The following PPP2R3A variants were observed in gnomAD, a reference collection of about 807,000 sequenced individuals.
PPP2R3A encodes the protein protein phosphatase 2 regulatory subunit B''alpha, also known as serine/threonine-protein phosphatase 2A regulatory subunit B'' subunit alpha.
A neutral mutation model predicts 106.9 loss-of-function variants in PPP2R3A; 80 were observed. The observed-to-expected ratio is 0.75, with a 90% CI of 0.62 to 0.90. PPP2R3A has a LOEUF of 0.90. Ranked by LOEUF, PPP2R3A falls within the 40% of genes least tolerant of loss-of-function variation. PPP2R3A has a pLI of 0.00. For missense variants in PPP2R3A, 1,386 were observed against 1,350.4 expected (o/e 1.03, Z -0.41); for synonymous variants, 483 against 468.3 (o/e 1.03, Z -0.41).
rs199818471 is a variant in PPP2R3A at position 136,053,370 on chromosome 3, GA to G, written c.2469+4018del. ...TGGATTTATATGGATCAAAAAAAAAGAAAAAAAAATAAGTGACCAGAAGTAG... is the reference window on the plus strand; with the variant it reads ...TGGATTTATATGGATCAAAAAAAAAGAAAAAAAATAAGTGACCAGAAGTAG... On this transcript the variant is annotated intron_variant, in intron 5 of 13. Coordinates refer to ENST00000264977, the MANE Select transcript of PPP2R3A (RefSeq NM_002718.5). Among the ~76,000 whole-genome samples, 6 of 150,678 alleles carry G rather than the reference GA, an allele frequency of 4.0e-5. No individual in the cohort carries two copies. In the East Asian group the frequency reaches 7.8e-4, roughly 19 times the overall value.
chr3:136,057,031 C>T (rs1482262182), intron 5 of PPP2R3A, among the ~76,000 whole-genome samples: 2 of 151,716 alleles, frequency 1.3e-5, no homozygotes, highest in African/African-American at 2.4e-5. Flanking sequence ...ATTAAAAAGA[C>T]AGGCAATAAC....
At chr3:136,019,072 A>G (rs1361538021) in intron 2 of PPP2R3A, among the ~76,000 whole-genome samples, 1 of 152,190 alleles carries the variant, frequency 6.6e-6, no homozygotes, top group Non-Finnish European at 1.5e-5. Context: ...ACTCAGATTG[A>G]GCACATGGTC....
Position 136,023,215 on chromosome 3 carries a change from GTGTTTTGTTT to G in PPP2R3A, c.1996-3594_1996-3585del, listed in dbSNP as rs3830602. ...CAGCAGACACAGGTTTGAAATTTGGGTGTTTTGTTTTGTTTTGTTTTGTTTTGTTTTGAAA... is the reference window on the plus strand; with the variant it reads ...CAGCAGACACAGGTTTGAAATTTGGGTGTTTTGTTTTGTTTTGTTTTGAAA... On this transcript the variant is annotated intron_variant, in intron 2 of 13. Transcript: ENST00000264977. The G allele has an allele frequency of 1.6e-4, 235 of 1,505,932 alleles. 2 individuals carry two copies. The highest frequency in any genetic ancestry group is 5.0e-4 in the Admixed American group (26 of 51,852). 93.3% of individuals were successfully genotyped at this position (1,505,932 alleles called of 1,614,324 possible). A position where few individuals can be genotyped will look rare whatever the true frequency, so the allele number is the denominator to read the frequency against.
chr3:136,079,848 C>T (rs1936724759), intron 7 of PPP2R3A, among the ~76,000 whole-genome samples: 1 of 151,380 alleles, frequency 6.6e-6, no homozygotes, highest in South Asian at 2.1e-4. Context: ...AAAAAGAACT[C>T]AAGTGTTCTG....
intron 8 of PPP2R3A, among the ~76,000 whole-genome samples, chr3:136,086,221 C>T (rs766249029): frequency 1.3e-4 from 20 of 150,916 alleles, no homozygotes; most frequent in Non-Finnish European, 1.8e-4. Context: ...CGGTGGCTCA[C>T]GCCTGTAATC....
intron 13 of PPP2R3A, among the ~76,000 whole-genome samples, chr3:136,126,849 C>T (rs931635557): frequency 5.3e-4 from 80 of 152,254 alleles, no homozygotes; most frequent in Non-Finnish European, 3.5e-4. Flanking sequence ...CTGCAGCCTC[C>T]GCTGGTGATA....
At chr3:135,999,855 C>T (rs1933552498) in intron 1 of PPP2R3A, among the ~76,000 whole-genome samples, 1 of 152,022 alleles carries the variant, frequency 6.6e-6, no homozygotes, top group Admixed American at 6.6e-5. Flanking sequence ...CTCACTGCAA[C>T]CTCTGCCTCC....
chr3:136,069,199 G>T, intron 5 of PPP2R3A, among the ~76,000 whole-genome samples: 1 of 152,170 alleles, frequency 6.6e-6, no homozygotes, highest in East Asian at 1.9e-4. Context: ...ACTATTGTTT[G>T]TGACTTGTTA....
At chr3:136,145,012 C>T (rs1179643961) in intron 13 of PPP2R3A, 31 bp from the exon 14 acceptor site, 1 of 1,596,626 alleles carries the variant, frequency 6.3e-7, no homozygotes, top group African/African-American at 1.3e-5. Flanking sequence ...ATCAATCAAT[C>T]AGTTAATTCA....
intron 2 of PPP2R3A, among the ~76,000 whole-genome samples, chr3:136,005,933 A>G (rs1184750733): frequency 1.3e-5 from 2 of 152,102 alleles, no homozygotes; most frequent in African/African-American, 4.8e-5. Flanking sequence ...ATTTTACTCA[A>G]CCCTCTTCCC....
At chr3:136,108,435 CA>C (rs1241016509) in intron 13 of PPP2R3A, among the ~76,000 whole-genome samples, 3 of 151,432 alleles carry the variant, frequency 2.0e-5, no homozygotes, top group Non-Finnish European at 4.4e-5. Context: ...AGAAAAGAAA[CA>C]AAAAAAGTAT....
At chr3:136,046,490 A>G (rs1179357470) in intron 4 of PPP2R3A, among the ~76,000 whole-genome samples, 3 of 152,128 alleles carry the variant, frequency 2.0e-5, no homozygotes, top group African/African-American at 7.2e-5. Context: ...GAGATTCCAT[A>G]CAGAGCCTTG....
intron 13 of PPP2R3A, among the ~76,000 whole-genome samples, chr3:136,136,497 G>A (rs1436567760): frequency 6.6e-6 from 1 of 152,018 alleles, no homozygotes; most frequent in African/African-American, 2.4e-5. Context: ...AGAATTAAGA[G>A]ATAATGTATA....
chr3:136,015,174 C>T (rs1309283729), intron 2 of PPP2R3A, among the ~76,000 whole-genome samples: 2 of 152,110 alleles, frequency 1.3e-5, no homozygotes, highest in African/African-American at 2.4e-5. Flanking sequence ...TGGTATGAAA[C>T]CCACTTGATC....
rs554629538 is a variant in PPP2R3A, at chr3:136,147,457, A to G, written c.*2291A>G. Reference sequence around the variant, plus strand: ...TACCCACATTATCACATTTTCAGGAATTATAAGAATGTGTTTTATTGTACT... The same window carrying G: ...TACCCACATTATCACATTTTCAGGAGTTATAAGAATGTGTTTTATTGTACT... On this transcript the variant is annotated 3_prime_UTR_variant, in exon 14 of 14. Coordinates refer to ENST00000264977, the MANE Select transcript of PPP2R3A (RefSeq NM_002718.5). The G allele has an allele frequency of 6.5e-6, 1 of 152,758 alleles. No individual in the cohort carries two copies. Among genetic ancestry groups the G allele is most frequent in the South Asian group, 2.1e-4 (1 of 4,824 alleles). 9.5% of individuals were successfully genotyped at this position (152,758 alleles called of 1,614,324 possible). A position where few individuals can be genotyped will look rare whatever the true frequency, so the allele number is the denominator to read the frequency against.
At chr3:135,966,821 T>G (rs1937101741) in intron 1 of PPP2R3A, among the ~76,000 whole-genome samples, 3 of 152,226 alleles carry the variant, frequency 2.0e-5, no homozygotes, top group African/African-American at 7.2e-5. Flanking sequence ...TCTTCATTTA[T>G]GTACAAAACA....
intron 2 of PPP2R3A, among the ~76,000 whole-genome samples, chr3:136,010,784 T>G (rs1175488330): frequency 6.6e-6 from 1 of 151,874 alleles, no homozygotes; most frequent in African/African-American, 2.4e-5. Flanking sequence ...TACCATCCCC[T>G]CCCATCAACT....
chr3:136,073,763 A>G (rs1191106630), intron 6 of PPP2R3A, among the ~76,000 whole-genome samples: 2 of 152,270 alleles, frequency 1.3e-5, no homozygotes, highest in Admixed American at 1.3e-4. Context: ...TCTTCTCCTC[A>G]GTGCCTTTTC....
At chr3:136,035,678 T>A (rs990610200) in intron 3 of PPP2R3A, among the ~76,000 whole-genome samples, 9 of 152,240 alleles carry the variant, frequency 5.9e-5, no homozygotes, top group Admixed American at 1.3e-4. Context: ...ATCTTAACTT[T>A]AGATTACCTG....
Sources: gnomAD v4.1 joint callset for allele counts (sites outside exome capture counted in the v4.1 genomes callset) on GRCh38, gnomAD v4.1.1 for gene constraint, MANE v1.5 for transcripts, NCBI Gene and HGNC (gene_info 2026-07-23, HGNC 2026-07-21) for gene names.